ERG: variants seen among roughly 807,000 people sequenced by gnomAD.
ERG encodes transcriptional regulator ERG.
Under a neutral mutation model 55.3 loss-of-function variants are expected in ERG, and 9 were observed. The ratio of observed to expected loss-of-function variants is 0.16; its 90% CI spans 0.10 to 0.28. ERG has a LOEUF of 0.28. ERG is among the 10% of genes least tolerant of loss of function. The pLI is 1.00. For missense variants in ERG, 434 were observed against 631.6 expected, an observed-to-expected ratio of 0.69 and a Z score of 3.35; for synonymous variants, 223 against 237.3, an observed-to-expected ratio of 0.94 and a Z score of 0.55.
chr21:38,457,992 T>C (rs943013489), intron 1 of ERG, among the ~76,000 whole-genome samples: 6 of 152,166 alleles, frequency 3.9e-5, no homozygotes, highest in Non-Finnish European at 7.3e-5. Flanking sequence ...CATTTTAGAT[T>C]GACTTAAAAA....
At chr21:38,473,298 A>G (rs1265245421) in intron 1 of ERG, among the ~76,000 whole-genome samples, 2 of 152,098 alleles carry the variant, frequency 1.3e-5, no homozygotes, top group African/African-American at 4.8e-5. Flanking sequence ...AGGCAGGCGA[A>G]GCTTCCGTGG....
chr21:38,474,391 C>A (rs1316756345), intron 1 of ERG, among the ~76,000 whole-genome samples: 1 of 152,200 alleles, frequency 6.6e-6, no homozygotes, highest in Non-Finnish European at 1.5e-5. Context: ...GACACATGAT[C>A]TCCTTGTCTC....
At chr21:38,638,638 C>T (rs2146967291) in intron 1 of ERG, among the ~76,000 whole-genome samples, 1 of 152,196 alleles carries the variant, frequency 6.6e-6, no homozygotes, top group Non-Finnish European at 1.5e-5. Context: ...AGGGGACCTC[C>T]CTGCCAGAGG....
In ERG at chr21:38,460,903, C is replaced by T. The variant is rs1247142375; in HGVS notation, c.19-15282G>A. 6.6e-6 allele frequency among the ~76,000 whole-genome samples: 1 copy of T among 152,250 alleles called. No homozygotes were observed. Among genetic ancestry groups the T allele is most frequent in the Non-Finnish European group, 1.5e-5 (1 of 68,046 alleles). On this transcript the variant is annotated intron_variant, in intron 1 of 9. Transcript: ENST00000288319. The surrounding 1 kb of genome is among the most constrained non-coding windows in gnomAD (Gnocchi z 5.0). The stretch of plus-strand genomic sequence containing the variant: ...AGGAGACGTTTGGAAAAACTGTTCA[C>T]TGCTGTGCTTGCCTATGGAGAACCT...
chr21:38,517,942 C>T (rs1249122973), intron 2 of ERG, among the ~76,000 whole-genome samples: 1 of 152,016 alleles, frequency 6.6e-6, no homozygotes, highest in East Asian at 1.9e-4. Flanking sequence ...TGATGGTTAC[C>T]AGAGGCTGAG....
At chr21:38,580,925 C>T (rs1277750287) in intron 1 of ERG, among the ~76,000 whole-genome samples, 1 of 152,208 alleles carries the variant, frequency 6.6e-6, no homozygotes, top group Non-Finnish European at 1.5e-5. Flanking sequence ...CCTCTCTTCT[C>T]AAACCCAATT....
chr21:38,573,435 A>T (rs543132913), intron 2 of ERG, among the ~76,000 whole-genome samples: 80 of 152,290 alleles, frequency 5.3e-4, no homozygotes, highest in African/African-American at 1.8e-3. Context: ...CATTTGTTCA[A>T]TTCTGAGATG....
intron 4 of ERG, 59 bp from the exon 5 acceptor site, chr21:38,402,696 A>C: frequency 1.2e-6 from 1 of 824,384 alleles, no homozygotes; most frequent in Non-Finnish European, 1.8e-6. Context: ...AGAGAGAAAG[A>C]GAATTACCTT....
intron 3 of ERG, among the ~76,000 whole-genome samples, chr21:38,417,826 C>G (rs1001213819): frequency 2.6e-4 from 39 of 151,964 alleles, no homozygotes; most frequent in African/African-American, 9.2e-4. Context: ...AATAAAAAAA[C>G]AGAAAAAGAG....
At position 38,590,690 on chromosome 21, in the gene ERG, T is replaced by G. The variant is rs191999581; in HGVS notation, c.-149-5745A>C. On this transcript the variant is annotated intron_variant, in intron 1 of 10. Transcript: ENST00000398910. ...ATCCATCCATCCACCCATCCATCCA[T>G]GTATTCATCCATCCATCTATCCATC... 3.3e-3 allele frequency among the ~76,000 whole-genome samples: 498 copies of G among 152,256 alleles called. 5 individuals are homozygous for G. The highest frequency in any genetic ancestry group is 2.9e-3 in the Non-Finnish European group (200 of 68,000).
intron 6 of ERG, among the ~76,000 whole-genome samples, chr21:38,394,451 C>G (rs1047819617): frequency 3.3e-5 from 5 of 151,884 alleles, no homozygotes; most frequent in African/African-American, 1.2e-4. Context: ...CTCCCAGGTT[C>G]ACACCATTCT....
At chr21:38,468,473 A>AC (rs1330671838) in intron 1 of ERG, among the ~76,000 whole-genome samples, 1 of 152,116 alleles carries the variant, frequency 6.6e-6, no homozygotes, top group Non-Finnish European at 1.5e-5. Context: ...AATCCTAAAG[A>AC]TTTTTTTCCT....
intron 3 of ERG, among the ~76,000 whole-genome samples, chr21:38,404,220 A>G (rs1988652650): frequency 1.3e-5 from 2 of 152,192 alleles, no homozygotes; most frequent in South Asian, 4.1e-4. Flanking sequence ...CTGACCACAG[A>G]ATCGGAAATG....
At chr21:38,437,276 C>A (rs998752774) in intron 2 of ERG, among the ~76,000 whole-genome samples, 1 of 151,770 alleles carries the variant, frequency 6.6e-6, no homozygotes, top group Non-Finnish European at 1.5e-5. Context: ...TGGTTTCCTG[C>A]AGCATTTGTC....
chr21:38,525,676 T>C (rs532587264), intron 2 of ERG, among the ~76,000 whole-genome samples: 1 of 152,190 alleles, frequency 6.6e-6, no homozygotes, highest in Non-Finnish European at 1.5e-5. Flanking sequence ...GTCAGCTTTT[T>C]ATGGGGGAGG....
chr21:38,624,374 T>C (rs1293448808), intron 1 of ERG, among the ~76,000 whole-genome samples: 2 of 152,134 alleles, frequency 1.3e-5, no homozygotes, highest in Non-Finnish European at 1.5e-5. Flanking sequence ...GACGGGGTGA[T>C]AGGTACAGCA....
chr21:38,630,095 G>C (rs1307957805), intron 1 of ERG, among the ~76,000 whole-genome samples: 1 of 152,082 alleles, frequency 6.6e-6, no homozygotes, highest in Admixed American at 6.5e-5. Context: ...GTTACCAGGG[G>C]CTATGGAAAG....
At chr21:38,654,442 A>G (rs908726431) in intron 1 of ERG, among the ~76,000 whole-genome samples, 4 of 152,266 alleles carry the variant, frequency 2.6e-5, no homozygotes, top group African/African-American at 9.6e-5. Flanking sequence ...ATTGCACTCC[A>G]GCCTGGGCAA....
chr21:38,575,735 C>T, exon 2 of ERG: 1 of 1,613,468 alleles, frequency 6.2e-7, no homozygotes, highest in Non-Finnish European at 8.5e-7. Context: ...ACCAGCTGTT[C>T]AGAACCTGAC....
Sources: gnomAD v4.1 joint callset for allele counts (sites outside exome capture counted in the v4.1 genomes callset) on GRCh38, gnomAD v4.1.1 for gene constraint, Gnocchi (gnomAD v3.1) non-coding constraint, MANE v1.5 for transcripts, NCBI Gene and HGNC (gene_info 2026-07-23, HGNC 2026-07-21) for gene names.